The following NRXN1 variants were observed in gnomAD, a reference collection of about 807,000 sequenced individuals.
NRXN1 encodes neurexin 1, also known as neurexin-1.
Under a neutral mutation model 150.9 loss-of-function variants are expected in NRXN1, and 39 were observed. The ratio of observed to expected loss-of-function variants is 0.26; its 90% confidence interval spans 0.20 to 0.34. NRXN1 has a LOEUF of 0.34. Ranked by LOEUF, NRXN1 falls within the 10% of genes least tolerant of loss-of-function variation. The probability of loss-of-function intolerance (pLI) is 1.00; values close to 1 mark genes in which losing one functional copy is unlikely to be tolerated. For missense variants in NRXN1, 1,815 were observed against 1,949.9 expected (o/e 0.93, Z 1.30); for synonymous variants, 924 against 757.0 (o/e 1.22, Z -3.62).
chr2:50,337,168 C>T (rs1234690173), intron 17 of NRXN1, among the ~76,000 whole-genome samples: 2 of 151,080 alleles, frequency 1.3e-5, no homozygotes, highest in Non-Finnish European at 2.9e-5. Context: ...TCACTGCAAC[C>T]TCTGCCTCCC....
At position 49,974,353 on chromosome 2, in the gene NRXN1, A is replaced by G. The variant is rs185967629; in HGVS notation, c.4129-30562T>C. ...AAGTCTCAGCAGTCGTTGCTTTTCA[A>G]TTTGCTCCCCTAACGAGACCGCATA... On this transcript the variant is annotated intron_variant, in intron 21 of 22. Transcript: ENST00000401669. The G allele has an allele frequency of 7.7e-5, 33 of 430,884 alleles. No homozygotes were observed. In the Admixed American group the frequency reaches 9.5e-4, roughly 12 times the overall value. 26.7% of individuals were successfully genotyped at this position (430,884 alleles called of 1,614,324 possible).
chr2:50,438,719 T>A (rs1343230244), intron 17 of NRXN1, among the ~76,000 whole-genome samples: 1 of 152,244 alleles, frequency 6.6e-6, no homozygotes, highest in African/African-American at 2.4e-5. Flanking sequence ...TAAAAACGAC[T>A]AATAAATGTT....
chr2:50,579,451 A>G (rs1030595734), intron 8 of NRXN1, among the ~76,000 whole-genome samples: 1 of 152,144 alleles, frequency 6.6e-6, no homozygotes, highest in Non-Finnish European at 1.5e-5. Flanking sequence ...GCTTGAACCC[A>G]GTTTGAGATC....
intron 8 of NRXN1, among the ~76,000 whole-genome samples, chr2:50,558,830 A>G (rs1039912234): frequency 6.6e-6 from 1 of 152,074 alleles, no homozygotes; most frequent in African/African-American, 2.4e-5. Flanking sequence ...GAGGCCGAGG[A>G]GGGCGGATCA....
At chr2:50,901,459 C>T (rs995171077) in intron 5 of NRXN1, among the ~76,000 whole-genome samples, 1 of 151,984 alleles carries the variant, frequency 6.6e-6, no homozygotes, top group Non-Finnish European at 1.5e-5. Context: ...ATGACGTCAA[C>T]CTAGGAGGTA....
intron 17 of NRXN1, among the ~76,000 whole-genome samples, chr2:50,456,816 T>C (rs1021033903): frequency 2.0e-5 from 3 of 152,110 alleles, no homozygotes; most frequent in African/African-American, 7.2e-5. Flanking sequence ...ACCAAAGACC[T>C]TCATAGGCCA....
At chr2:50,689,747 C>G (rs1272148245) in intron 5 of NRXN1, among the ~76,000 whole-genome samples, 2 of 152,038 alleles carry the variant, frequency 1.3e-5, no homozygotes, top group African/African-American at 4.8e-5. Context: ...TCATACACTG[C>G]TTTGTCTAAA....
intron 8 of NRXN1, among the ~76,000 whole-genome samples, chr2:50,554,153 CAT>C (rs147139531): frequency 1.4e-3 from 213 of 151,514 alleles, no homozygotes; most frequent in South Asian, 3.5e-3. Flanking sequence ...TAAAAATGTA[CAT>C]ATATATATAT....
At chr2:50,697,242 T>C (rs182798054) in intron 5 of NRXN1, among the ~76,000 whole-genome samples, 139 of 152,336 alleles carry the variant, frequency 9.1e-4, no homozygotes, top group African/African-American at 2.5e-3. Flanking sequence ...AGTCTTCATT[T>C]TGAATATACA....
Position 50,777,695 on chromosome 2 carries a change from T to A in NRXN1, c.832+144174A>T, listed in dbSNP as rs531958423. ...TTGAGTAAAATATAAAAGAAAATAC[T>A]GCACATCATCTAAATATCCTAAAAG... On this transcript the variant is annotated intron_variant, in intron 5 of 22. Coordinates refer to ENST00000401669, the MANE Select transcript of NRXN1 (RefSeq NM_001330078.2). 2.0e-5 allele frequency among the ~76,000 whole-genome samples: 3 copies of A among 152,288 alleles called. No homozygotes were observed. In the South Asian group the frequency reaches 6.2e-4, roughly 32 times the overall value.
At chr2:50,107,539 A>ATATATAT (rs59921941) in intron 18 of NRXN1, among the ~76,000 whole-genome samples, 277 of 129,850 alleles carry the variant, frequency 2.1e-3, no homozygotes, top group Non-Finnish European at 2.8e-3. Context: ...ATATATATAT[A>ATATATAT]TTTTTTTTTT....
At chr2:50,395,082 C>T (rs1035257133) in intron 17 of NRXN1, among the ~76,000 whole-genome samples, 1 of 151,962 alleles carries the variant, frequency 6.6e-6, no homozygotes, top group Non-Finnish European at 1.5e-5. Context: ...TGCTTTTCTT[C>T]ATAGGTATTA....
intron 8 of NRXN1, among the ~76,000 whole-genome samples, chr2:50,599,326 G>T (rs1675851683): frequency 6.6e-6 from 1 of 152,128 alleles, no homozygotes; most frequent in Non-Finnish European, 1.5e-5. Context: ...AAATGGGCAA[G>T]CCACACCGCT....
intron 21 of NRXN1, among the ~76,000 whole-genome samples, chr2:49,967,428 C>T (rs538529543): frequency 4.7e-4 from 71 of 152,072 alleles, no homozygotes; most frequent in African/African-American, 1.6e-3. Context: ...GAGATACATT[C>T]AACAAAGAAA....
At chr2:50,497,807 G>C (rs1030628781) in intron 13 of NRXN1, 93 bp from the exon 14 acceptor site, 21 of 1,213,686 alleles carry the variant, frequency 1.7e-5, no homozygotes, top group Non-Finnish European at 2.2e-5. Context: ...TAAAATACAA[G>C]GAGCCAAATC....
intron 13 of NRXN1, among the ~76,000 whole-genome samples, chr2:50,505,709 G>C (rs972005478): frequency 1.3e-5 from 2 of 152,072 alleles, no homozygotes; most frequent in Admixed American, 1.3e-4. Flanking sequence ...TGACACAGTT[G>C]ACTGTTCTCT....
At chr2:50,378,793 C>T (rs2103628576) in intron 17 of NRXN1, among the ~76,000 whole-genome samples, 1 of 152,260 alleles carries the variant, frequency 6.6e-6, no homozygotes, top group South Asian at 2.1e-4. Flanking sequence ...AGGAATTCAA[C>T]ATCAAACAGG....
chr2:50,710,226 GATA>G (rs1295331799), intron 5 of NRXN1, among the ~76,000 whole-genome samples: 2 of 152,136 alleles, frequency 1.3e-5, no homozygotes, highest in African/African-American at 4.8e-5. Flanking sequence ...CTCTTAAACA[GATA>G]ATAAGTATTC....
chr2:50,727,676 C>T (rs1299309171), intron 5 of NRXN1, among the ~76,000 whole-genome samples: 4 of 152,018 alleles, frequency 2.6e-5, no homozygotes, highest in Non-Finnish European at 5.9e-5. Flanking sequence ...TTATAAAGTG[C>T]TCTAAGGACT....
Sources: gnomAD v4.1 joint callset for allele counts (sites outside exome capture counted in the v4.1 genomes callset) on GRCh38, gnomAD v4.1.1 for gene constraint, MANE v1.5 for transcripts, NCBI Gene and HGNC (gene_info 2026-07-23, HGNC 2026-07-21) for gene names.